Variants in USP32 observed in about 807,000 individuals in gnomAD.
USP32 encodes ubiquitin specific peptidase 32, also known as ubiquitin carboxyl-terminal hydrolase 32.
Under a neutral mutation model 204.8 loss-of-function variants are expected in USP32, and 59 were observed. That is an observed-to-expected ratio of 0.29 (90% CI 0.23 to 0.36). The LOEUF is 0.36. Among genes scored for constraint, USP32 ranks in the 10% least tolerant of loss-of-function variants. The pLI is 1.00. For missense variants in USP32, 1,160 were observed against 1,946.4 expected (o/e 0.60, Z 7.60); for synonymous variants, 517 against 678.4 (o/e 0.76, Z 3.70).
rs532177738 is a variant in USP32, at chr17:60,405,361, C to A, written c.106+16885G>T. 5.9e-5 allele frequency among the ~76,000 whole-genome samples: 9 copies of A among 152,062 alleles called. No homozygotes were observed. The South Asian group carries it at 1.9e-3, about 32-fold the overall frequency. ...GGGATTACAGGCACACACCTCCAAG[C>A]CAACCTAATTTTTTTTGTATTGTAG... is the stretch of plus-strand genomic sequence containing the variant. On this transcript the variant is annotated intron_variant, in intron 1 of 3. Coordinates refer to the USP32 transcript ENST00000588898.
In USP32 at chr17:60,368,991, ATTTTTT is replaced by A. The variant is rs758528054; in HGVS notation, c.58+22885_58+22890del. Among the ~76,000 whole-genome samples the A allele has an allele frequency of 3.5e-5, 4 of 114,130 alleles. 1 individual carries two copies. The highest frequency in any genetic ancestry group is 2.0e-4 in the African/African-American group (4 of 19,586). The allele number at this position is 114,130 out of a possible 152,430, so 74.9% of individuals were successfully genotyped here. A position where few individuals can be genotyped will look rare whatever the true frequency, so the allele number is the denominator to read the frequency against. On this transcript the variant is annotated intron_variant, in intron 1 of 33. Coordinates refer to ENST00000300896, the MANE Select transcript of USP32 (RefSeq NM_032582.4). ...ACATACACGAATTATTTTTTAAAAG[ATTTTTT>A]TTTTTTTTTTTTTTTGAGACGGAGT...
intron 2 of USP32, among the ~76,000 whole-genome samples, chr17:60,307,558 T>A (rs1322529928): frequency 6.6e-6 from 1 of 152,154 alleles, no homozygotes; most frequent in Non-Finnish European, 1.5e-5. Context: ...CAAAAAATCC[T>A]GAGCAAATAA....
At chr17:60,190,247 G>T (rs554257990) in intron 29 of USP32, among the ~76,000 whole-genome samples, 1 of 152,258 alleles carries the variant, frequency 6.6e-6, no homozygotes, top group East Asian at 1.9e-4. Context: ...CAGAAGCCAG[G>T]ACCATGTCCT....
intron 12 of USP32, among the ~76,000 whole-genome samples, chr17:60,234,998 T>G (rs2085684075): frequency 6.6e-6 from 1 of 152,150 alleles, no homozygotes; most frequent in Non-Finnish European, 1.5e-5. Flanking sequence ...CTCCCCAAAT[T>G]TCTTTAGTGC....
chr17:60,190,720 A>C, intron 28 of USP32, 37 bp from the exon 29 acceptor site: 1 of 1,572,556 alleles, frequency 6.4e-7, no homozygotes, highest in Non-Finnish European at 8.6e-7. Context: ...GGAAGAAATA[A>C]TTATGAAGGA....
chr17:60,301,342 T>C (rs2087568188), intron 3 of USP32: 1 of 252,136 alleles, frequency 4.0e-6, no homozygotes, highest in East Asian at 1.0e-4. Flanking sequence ...TTACAATTTT[T>C]CCACATCTTC....
upstream of USP32, among the ~76,000 whole-genome samples, chr17:60,395,243 CTT>C (rs1182742243): frequency 1.3e-5 from 2 of 152,190 alleles, no homozygotes; most frequent in Non-Finnish European, 2.9e-5. Flanking sequence ...AAGATTTCCT[CTT>C]TAAGTTTCAG....
intron 1 of USP32, among the ~76,000 whole-genome samples, chr17:60,398,821 A>T (rs889975939): frequency 2.0e-5 from 3 of 152,004 alleles, no homozygotes; most frequent in Non-Finnish European, 4.4e-5. Flanking sequence ...CTACAAAAAA[A>T]AAAAATTTAA....
At chr17:60,383,936 CTG>C (rs1364134353) in intron 1 of USP32, among the ~76,000 whole-genome samples, 3 of 152,196 alleles carry the variant, frequency 2.0e-5, no homozygotes, top group Non-Finnish European at 2.9e-5. Context: ...AATACACTGA[CTG>C]TGTGAAACTA....
chr17:60,270,674 T>C (rs1015984994), intron 6 of USP32, among the ~76,000 whole-genome samples: 4 of 151,806 alleles, frequency 2.6e-5, no homozygotes, highest in African/African-American at 9.7e-5. Flanking sequence ...AAACACAAAA[T>C]TAGCCGGGCA....
intron 11 of USP32, among the ~76,000 whole-genome samples, chr17:60,236,648 A>G (rs1030506235): frequency 1.3e-5 from 2 of 152,194 alleles, no homozygotes; most frequent in Non-Finnish European, 2.9e-5. Flanking sequence ...GATTTTGATA[A>G]CTTTACAGAT....
chr17:60,293,929 C>T (rs796588587), intron 4 of USP32, among the ~76,000 whole-genome samples: 4 of 152,202 alleles, frequency 2.6e-5, no homozygotes, highest in African/African-American at 9.7e-5. Flanking sequence ...GGACTTGTCA[C>T]ATACTAGCAG....
At chr17:60,378,887 T>A (rs112143993) in intron 1 of USP32, among the ~76,000 whole-genome samples, 7 of 152,074 alleles carry the variant, frequency 4.6e-5, no homozygotes, top group Non-Finnish European at 1.0e-4. Flanking sequence ...TAATTGTACA[T>A]TTTTTAAAAT....
intron 1 of USP32, among the ~76,000 whole-genome samples, chr17:60,374,492 G>A (rs531451231): frequency 6.6e-6 from 1 of 151,460 alleles, no homozygotes; most frequent in Non-Finnish European, 1.5e-5. Flanking sequence ...GAACCTCCTA[G>A]GCTCAAGTGA....
intron 1 of USP32, among the ~76,000 whole-genome samples, chr17:60,359,100 C>A (rs1429280502): frequency 6.6e-6 from 1 of 152,186 alleles, no homozygotes; most frequent in South Asian, 2.1e-4. Flanking sequence ...AACAATCCAA[C>A]ATCCTTCAAG....
At chr17:60,249,632 G>A (rs2086117306) in intron 11 of USP32, 1 of 663,988 alleles carries the variant, frequency 1.5e-6, no homozygotes, top group East Asian at 2.9e-5. Flanking sequence ...TGCTGGATGG[G>A]AGGAAATGAA....
At chr17:60,202,113 C>T (rs2084692527) in intron 26 of USP32, among the ~76,000 whole-genome samples, 1 of 152,038 alleles carries the variant, frequency 6.6e-6, no homozygotes, top group Non-Finnish European at 1.5e-5. Flanking sequence ...AAGGTAGGTG[C>T]CAAGTTTCAT....
At chr17:60,182,645 C>T (rs560419242) in intron 31 of USP32, among the ~76,000 whole-genome samples, 25 of 152,146 alleles carry the variant, frequency 1.6e-4, no homozygotes, top group Non-Finnish European at 3.4e-4. Context: ...TGCCTGTAGT[C>T]CCAGCTACTC....
Position 60,242,295 on chromosome 17 carries a change from T to C in USP32, c.1137-6055A>G, listed in dbSNP as rs115592943. On this transcript the variant is annotated intron_variant, in intron 11 of 33. Coordinates refer to ENST00000300896, the MANE Select transcript of USP32 (RefSeq NM_032582.4). ...CAGCTACACCACTGTGCTCAGCTCCTCCTGGACCATTTTTTTTTCTTTTTA... is the reference window on the plus strand; with the variant it reads ...CAGCTACACCACTGTGCTCAGCTCCCCCTGGACCATTTTTTTTTCTTTTTA... Among the ~76,000 whole-genome samples the C allele has an allele frequency of 7.3e-3, 1,107 of 152,300 alleles. 16 individuals carry two copies. The highest frequency in any genetic ancestry group is 0.026 in the African/African-American group (1,063 of 41,562).
Sources: gnomAD v4.1 joint callset for allele counts (sites outside exome capture counted in the v4.1 genomes callset) on GRCh38, gnomAD v4.1.1 for gene constraint, MANE v1.5 for transcripts, NCBI Gene and HGNC (gene_info 2026-07-23, HGNC 2026-07-21) for gene names.